FNDC1: variants seen among roughly 807,000 people sequenced by gnomAD.
FNDC1 encodes the protein fibronectin type III domain containing 1.
Under a neutral mutation model 168.0 loss-of-function variants are expected in FNDC1, and 96 were observed. The observed-to-expected ratio is 0.57, with a 90% CI of 0.48 to 0.68. The LOEUF (loss-of-function observed/expected upper bound fraction) is 0.68, where lower values mean the gene tolerates loss of function less well. Among genes scored for constraint, FNDC1 ranks in the 30% least tolerant of loss-of-function variants. FNDC1 has a pLI of 0.00. For missense variants in FNDC1, 2,587 were observed against 2,482.1 expected, an observed-to-expected ratio of 1.04 and a Z score of -0.90; for synonymous variants, 1,099 against 1,025.9, an observed-to-expected ratio of 1.07 and a Z score of -1.36.
chr6:159,205,710 A>T (rs897522494), intron 4 of FNDC1, among the ~76,000 whole-genome samples: 14 of 152,198 alleles, frequency 9.2e-5, no homozygotes, highest in Admixed American at 2.6e-4. Flanking sequence ...AATGTCATGA[A>T]ACTATGAGGC....
intron 12 of FNDC1, among the ~76,000 whole-genome samples, chr6:159,237,715 C>T (rs1229990799): frequency 1.3e-5 from 2 of 152,350 alleles, no homozygotes; most frequent in African/African-American, 2.4e-5. Flanking sequence ...AAACATTCTT[C>T]ACCCAAACTA....
In FNDC1 at chr6:159,232,610, A is replaced by AC. The variant is rs751720114; in HGVS notation, c.2104dup (p.His702ProfsTer47). The AC allele has an allele frequency of 2.5e-6, 4 of 1,607,076 alleles. No homozygotes were observed. The highest frequency in any genetic ancestry group is 1.1e-5 in the South Asian group (1 of 90,510). Reference sequence around the variant, plus strand: ...AAAGCCAGCCTCGCCGGCCCGGAGGACCCCCCATTCAGGGGCCGCAGAGGA... The same window carrying AC: ...AAAGCCAGCCTCGCCGGCCCGGAGGACCCCCCCATTCAGGGGCCGCAGAGGA... On this transcript the variant is annotated frameshift_variant, in exon 11 of 23. Coordinates refer to ENST00000297267, the MANE Select transcript of FNDC1 (RefSeq NM_032532.3). LOFTEE classifies it high-confidence loss of function. This position sits in a 1 kb window ranked among gnomAD's most constrained non-coding sequence, Gnocchi z 4.9.
At chr6:159,176,340 A>C (rs552964733) in intron 1 of FNDC1, among the ~76,000 whole-genome samples, 1 of 152,226 alleles carries the variant, frequency 6.6e-6, no homozygotes, top group African/African-American at 2.4e-5. Flanking sequence ...TCAGATGAAC[A>C]TAGTGCCTGC....
chr6:159,220,977 G>C (rs1782811107), intron 5 of FNDC1, among the ~76,000 whole-genome samples: 1 of 152,168 alleles, frequency 6.6e-6, no homozygotes, highest in African/African-American at 2.4e-5. Flanking sequence ...TGGGACCCTC[G>C]GAGGGTGCGG....
At chr6:159,183,883 T>C (rs1398954074) in intron 1 of FNDC1, among the ~76,000 whole-genome samples, 1 of 152,234 alleles carries the variant, frequency 6.6e-6, no homozygotes. Flanking sequence ...CGAGCTCATG[T>C]GTCCTTATGA....
At chr6:159,241,011 C>A (rs1278421192) in intron 14 of FNDC1, 1 of 152,172 alleles carries the variant, frequency 6.6e-6, no homozygotes, top group Non-Finnish European at 1.5e-5. Flanking sequence ...AATGGGAATT[C>A]TGTTGGAAGT....
chr6:159,197,478 A>T lies in FNDC1; in HGVS notation c.157A>T (p.Met53Leu), dbSNP rs912409157. The change falls in exon 2 of 23, where the codon ATG (methionine) becomes TTG (leucine). Residue 53 changes from methionine (M) to leucine (L), a missense_variant. Physicochemically the swap from Met to Leu is conservative, Grantham distance 15. Coordinates refer to ENST00000297267, the MANE Select transcript of FNDC1 (RefSeq NM_032532.3). ...GCATGTGAAACTGCTGTCCACTAAAATGGGCCTGAAAGTCACGTGGGACCC... is the reference window on the plus strand; with the variant it reads ...GCATGTGAAACTGCTGTCCACTAAATTGGGCCTGAAAGTCACGTGGGACCC... Reference protein sequence around the residue: ...PRHVKLLSTKMGLKVTWDPPK... With the variant: ...PRHVKLLSTKLGLKVTWDPPK... 1.2e-6 allele frequency: 2 copies of T among 1,613,870 alleles called. No individual in the cohort carries two copies. Among genetic ancestry groups the T allele is most frequent in the South Asian group, 2.2e-5 (2 of 91,034 alleles).
At chr6:159,269,297 C>CTATCTATTT (rs1220891350) in intron 22 of FNDC1, among the ~76,000 whole-genome samples, 3 of 75,298 alleles carry the variant, frequency 4.0e-5, no homozygotes, top group Admixed American at 1.5e-4. Flanking sequence ...TCTATCCATC[C>CTATCTATTT]ATCCATCTAT....
At chr6:159,208,592 C>T (rs568691440) in intron 4 of FNDC1, among the ~76,000 whole-genome samples, 122 of 152,244 alleles carry the variant, frequency 8.0e-4, no homozygotes, top group African/African-American at 2.7e-3. Flanking sequence ...GTGAAACTGA[C>T]GGCACAAAGT....
intron 1 of FNDC1, among the ~76,000 whole-genome samples, chr6:159,193,381 T>A (rs1782178867): frequency 6.6e-6 from 1 of 152,190 alleles, no homozygotes; most frequent in African/African-American, 2.4e-5. Flanking sequence ...TTGTGAGCAT[T>A]TCATGGTCTT....
intron 3 of FNDC1, 28 bp from the exon 4 acceptor site, chr6:159,200,474 CCTCGTTTCTAA>C (rs1256814990): frequency 6.7e-7 from 1 of 1,499,510 alleles, no homozygotes; most frequent in Non-Finnish European, 9.1e-7. Flanking sequence ...ACCCAACAGT[CCTCGTTTCTAA>C]CTATCAAGTT....
intron 19 of FNDC1, among the ~76,000 whole-genome samples, chr6:159,263,113 T>C (rs899220609): frequency 6.6e-6 from 1 of 152,218 alleles, no homozygotes; most frequent in African/African-American, 2.4e-5. Context: ...GGTGTCATTT[T>C]GTTTGTTTCA....
At chr6:159,178,483 C>T (rs953598201) in intron 1 of FNDC1, among the ~76,000 whole-genome samples, 7 of 152,076 alleles carry the variant, frequency 4.6e-5, no homozygotes, top group African/African-American at 4.8e-5. Context: ...GCTGTAGTGC[C>T]GCATCCCAGC....
intron 1 of FNDC1, among the ~76,000 whole-genome samples, chr6:159,195,001 C>T (rs182563275): frequency 2.5e-4 from 38 of 152,078 alleles, no homozygotes; most frequent in Non-Finnish European, 4.6e-4. Flanking sequence ...TCAGGTCAAG[C>T]GTTTTGTTTA....
chr6:159,200,662 A>G (rs1312912584), intron 4 of FNDC1, 81 bp downstream of exon 4: 7 of 1,111,954 alleles, frequency 6.3e-6, no homozygotes, highest in Non-Finnish European at 7.9e-6. Flanking sequence ...CGTCACACAC[A>G]TGTGCTCACA....
At chr6:159,173,546 G>C (rs557524310) in intron 1 of FNDC1, among the ~76,000 whole-genome samples, 1 of 152,154 alleles carries the variant, frequency 6.6e-6, no homozygotes, top group South Asian at 2.1e-4. Context: ...GTGACAATTT[G>C]CACCCCTGGA....
chr6:159,265,395 T>G (rs1777569390), intron 20 of FNDC1, among the ~76,000 whole-genome samples: 1 of 152,208 alleles, frequency 6.6e-6, no homozygotes, highest in Admixed American at 6.5e-5. Context: ...AAATCAGGTC[T>G]TCTGAGTGGC....
intron 7 of FNDC1, 43 bp from the exon 8 acceptor site, chr6:159,225,492 G>C: frequency 6.7e-7 from 1 of 1,486,992 alleles, no homozygotes; most frequent in Non-Finnish European, 9.1e-7. Flanking sequence ...AGTGTTGAGT[G>C]GCAGAGAATT....
intron 19 of FNDC1, among the ~76,000 whole-genome samples, chr6:159,262,274 A>G (rs990479433): frequency 2.0e-5 from 3 of 152,212 alleles, no homozygotes; most frequent in African/African-American, 7.2e-5. Context: ...GTTACCTTCT[A>G]CATGCAGTCT....
Sources: gnomAD v4.1 joint callset for allele counts (sites outside exome capture counted in the v4.1 genomes callset) on GRCh38, gnomAD v4.1.1 for gene constraint, Gnocchi (gnomAD v3.1) non-coding constraint, MANE v1.5 for transcripts, NCBI Gene and HGNC (gene_info 2026-07-23, HGNC 2026-07-21) for gene names.